LRRTM4: variants seen among roughly 807,000 people sequenced by gnomAD.
The protein encoded by LRRTM4 is leucine-rich repeat transmembrane neuronal protein 4.
A neutral mutation model predicts 47.6 loss-of-function variants in LRRTM4; 25 were observed. The ratio of observed to expected loss-of-function variants is 0.53; its 90% confidence interval spans 0.38 to 0.73. The LOEUF is 0.73. Among genes scored for constraint, LRRTM4 ranks in the 30% least tolerant of loss-of-function variants. The probability of loss-of-function intolerance (pLI) is 0.00; values close to 1 mark genes in which losing one functional copy is unlikely to be tolerated. For missense variants in LRRTM4, 638 were observed against 713.4 expected (o/e 0.89, Z 1.20); for synonymous variants, 311 against 269.5 (o/e 1.15, Z -1.51).
At chr2:77,055,680 C>T (rs890726520) in intron 3 of LRRTM4, among the ~76,000 whole-genome samples, 2 of 151,982 alleles carry the variant, frequency 1.3e-5, no homozygotes, top group African/African-American at 4.8e-5. Flanking sequence ...CCCAGCCATC[C>T]CATTACTGGG....
At chr2:76,840,159 CAG>C (rs1484717983) in intron 3 of LRRTM4, among the ~76,000 whole-genome samples, 2 of 152,102 alleles carry the variant, frequency 1.3e-5, no homozygotes, top group Non-Finnish European at 2.9e-5. Context: ...AACGTGAAGA[CAG>C]GGGGAGGGGC....
intron 3 of LRRTM4, chr2:77,009,173 A>C (rs1433292863): frequency 1.3e-5 from 2 of 152,156 alleles, no homozygotes; most frequent in Admixed American, 6.6e-5. Context: ...TGGAAAGCTG[A>C]CATCATTTAT....
At chr2:77,190,427 TG>T in intron 3 of LRRTM4, among the ~76,000 whole-genome samples, 1 of 151,690 alleles carries the variant, frequency 6.6e-6, no homozygotes. Context: ...CCCAAGTAGC[TG>T]GGATAACAGG....
chr2:76,984,514 T>A (rs1242859589), intron 3 of LRRTM4, among the ~76,000 whole-genome samples: 3 of 152,070 alleles, frequency 2.0e-5, no homozygotes, highest in South Asian at 2.1e-4. Context: ...CCTATGGGAC[T>A]TAAGGAAAAG....
At chr2:77,117,838 C>G (rs1397123236) in intron 3 of LRRTM4, among the ~76,000 whole-genome samples, 1 of 151,772 alleles carries the variant, frequency 6.6e-6, no homozygotes, top group Non-Finnish European at 1.5e-5. Flanking sequence ...GGTGCTGGAG[C>G]TTATTTCTGC....
intron 3 of LRRTM4, among the ~76,000 whole-genome samples, chr2:77,297,105 G>GT (rs1333742639): frequency 1.3e-5 from 2 of 151,938 alleles, no homozygotes; most frequent in South Asian, 2.1e-4. Flanking sequence ...TGTTGTTATT[G>GT]TTTTTTTGTT....
At chr2:77,081,892 C>A (rs967521751) in intron 3 of LRRTM4, among the ~76,000 whole-genome samples, 1 of 152,082 alleles carries the variant, frequency 6.6e-6, no homozygotes, top group African/African-American at 2.4e-5. Flanking sequence ...AGAGAATCTA[C>A]CAAGACACAT....
intron 3 of LRRTM4, among the ~76,000 whole-genome samples, chr2:77,076,645 A>G (rs575680604): frequency 3.3e-5 from 5 of 152,336 alleles, no homozygotes; most frequent in South Asian, 4.1e-4. Context: ...CACTGAATGT[A>G]TATCTAAATG....
chr2:77,366,350 CTTCT>C (rs1672459804), intron 3 of LRRTM4, among the ~76,000 whole-genome samples: 1 of 151,810 alleles, frequency 6.6e-6, no homozygotes, highest in Non-Finnish European at 1.5e-5. Context: ...CTAGTTATTC[CTTCT>C]GTCTTTGCAG....
At position 77,169,022 on chromosome 2, in the gene LRRTM4, CA is replaced by C. The variant is rs372934418; in HGVS notation, c.1551+349295del. On this transcript the variant is annotated intron_variant, in intron 3 of 3. Coordinates refer to ENST00000409884, the MANE Select transcript of LRRTM4 (RefSeq NM_001134745.3). ...ATCCAGAAAAGCATTTGATATAATT[CA>C]ATATCCTTTTATGATAAAAAACTCT... is the stretch of plus-strand genomic sequence containing the variant. 3.1e-4 allele frequency among the ~76,000 whole-genome samples: 47 copies of C among 152,174 alleles called. No individual in the cohort carries two copies. In the South Asian group the frequency reaches 9.5e-3, roughly 31 times the overall value.
chr2:77,399,802 A>C (rs1261847131), intron 3 of LRRTM4, among the ~76,000 whole-genome samples: 10 of 151,832 alleles, frequency 6.6e-5, no homozygotes, highest in Non-Finnish European at 2.9e-5. Flanking sequence ...CATAACACAC[A>C]CTAACTTTGA....
intron 3 of LRRTM4, among the ~76,000 whole-genome samples, chr2:77,294,853 T>C (rs1394901745): frequency 6.6e-6 from 1 of 152,168 alleles, no homozygotes; most frequent in African/African-American, 2.4e-5. Flanking sequence ...CAATGGGTAA[T>C]GTACATAGGA....
At chr2:76,937,186 T>C (rs985765638) in intron 3 of LRRTM4, among the ~76,000 whole-genome samples, 19 of 152,062 alleles carry the variant, frequency 1.2e-4, no homozygotes, top group Middle Eastern at 3.4e-3. Flanking sequence ...ATAATGAGAA[T>C]GGTACTCCTT....
intron 3 of LRRTM4, among the ~76,000 whole-genome samples, chr2:77,153,231 C>G (rs1486732533): frequency 2.6e-5 from 4 of 152,082 alleles, no homozygotes; most frequent in Non-Finnish European, 5.9e-5. Context: ...CAGATTAGTG[C>G]TATGTACTTA....
chr2:77,476,202 A>G (rs546139395), intron 3 of LRRTM4, among the ~76,000 whole-genome samples: 196 of 152,212 alleles, frequency 1.3e-3, no homozygotes, highest in South Asian at 2.3e-3. Context: ...AATGGAGTCA[A>G]GGCAAAAGCG....
At position 76,748,442 on chromosome 2, in the gene LRRTM4, A is replaced by T. The variant is rs1343860114; in HGVS notation, c.*253T>A. 7 of 515,594 alleles carry T rather than the reference A, an allele frequency of 1.4e-5. No homozygotes were observed. Among genetic ancestry groups the T allele is most frequent in the Non-Finnish European group, 2.4e-5 (7 of 288,880 alleles). The allele number at this position is 515,594 out of a possible 1,614,324, so 31.9% of individuals were successfully genotyped here. A position where few individuals can be genotyped will look rare whatever the true frequency, so the allele number is the denominator to read the frequency against. On this transcript the variant is annotated 3_prime_UTR_variant, in exon 4 of 4. Transcript: ENST00000409884. ...AGAACTTGACACTCTTACTATTTAC[A>T]TCCGGGAGCATTTTTGTTTGTTTTA...
intron 3 of LRRTM4, among the ~76,000 whole-genome samples, chr2:76,782,057 C>T (rs1314204640): frequency 6.6e-6 from 1 of 152,172 alleles, no homozygotes; most frequent in African/African-American, 2.4e-5. Flanking sequence ...TTTAAGTTGT[C>T]ATAGAATGAC....
At chr2:77,192,307 T>C (rs1015267158) in intron 3 of LRRTM4, among the ~76,000 whole-genome samples, 6 of 152,106 alleles carry the variant, frequency 3.9e-5, no homozygotes, top group African/African-American at 1.4e-4. Flanking sequence ...GAATGTTAAC[T>C]TAGGCAAACT....
At chr2:77,369,975 C>T (rs1315207284) in intron 3 of LRRTM4, among the ~76,000 whole-genome samples, 1 of 151,786 alleles carries the variant, frequency 6.6e-6, no homozygotes, top group Non-Finnish European at 1.5e-5. Context: ...GCATGACTCT[C>T]TCTAAATATC....
Sources: allele counts gnomAD v4.1 joint callset (sites outside exome capture counted in the v4.1 genomes callset), GRCh38; gene constraint gnomAD v4.1.1; transcripts MANE v1.5; gene names NCBI Gene and HGNC (gene_info 2026-07-23, HGNC 2026-07-21).